Variants in CPAMD8 observed in about 807,000 individuals in gnomAD.
CPAMD8 encodes C3 and PZP like alpha-2-macroglobulin domain containing 8, also known as C3 and PZP-like alpha-2-macroglobulin domain-containing protein 8.
A neutral mutation model predicts 224.7 loss-of-function variants in CPAMD8; 146 were observed. That is an observed-to-expected ratio of 0.65 (90% CI 0.57 to 0.75). The LOEUF is 0.75. CPAMD8 is among the 30% of genes least tolerant of loss of function. The pLI is 0.00. For missense variants in CPAMD8, 2,301 were observed against 2,537.5 expected (o/e 0.91, Z 2.00); for synonymous variants, 966 against 1,044.6 (o/e 0.92, Z 1.45).
In CPAMD8 at chr19:16,929,180, C is replaced by T. The variant is rs530515090; in HGVS notation, c.2906G>A (p.Arg969His). 59 of 1,613,952 alleles carry T rather than the reference C, an allele frequency of 3.7e-5. No homozygotes were observed. Among genetic ancestry groups the T allele is most frequent in the South Asian group, 1.5e-4 (14 of 91,068 alleles). ...YEFQYVQRPL[R>H]LTRFDVAVRA... ...CACAGCCACATCAAAGCGGGTGAGGCGCAGTGGCCGCTGCACATACTGGAA... is the reference window on the plus strand; with the variant it reads ...CACAGCCACATCAAAGCGGGTGAGGTGCAGTGGCCGCTGCACATACTGGAA... The change falls in exon 24 of 42, where the codon CGC (arginine) becomes CAC (histidine). Residue 969 changes from arginine (R) to histidine (H), a missense_variant. By Grantham distance (29) the Arg-to-His change is conservative. Around this residue, in one of 4 missense-constraint regions of CPAMD8, gnomAD observed 1,709 missense variants for 1,753.2 expected, o/e 0.97. Coordinates refer to ENST00000443236, the MANE Select transcript of CPAMD8 (RefSeq NM_015692.5).
At chr19:16,963,769 C>T (rs562608352) in intron 18 of CPAMD8, among the ~76,000 whole-genome samples, 66 of 152,308 alleles carry the variant, frequency 4.3e-4, no homozygotes, top group African/African-American at 1.4e-3. Flanking sequence ...CACACTTATT[C>T]TGAAATTGAC....
chr19:16,904,527 T>A lies in CPAMD8; in HGVS notation c.4053A>T (p.Ser1351=). 7 of 1,613,982 alleles carry A rather than the reference T, an allele frequency of 4.3e-6. No individual in the cohort carries two copies. The highest frequency in any genetic ancestry group is 5.9e-6 in the Non-Finnish European group (7 of 1,179,850). The part of the protein sequence containing the change: ...MRDGVTHWSL[S]NSWDVDKGTF... The stretch of plus-strand genomic sequence containing the variant: ...TGCCCTTGTCCACGTCCCAGGAATT[T>A]GACAGGCTCCAGTGGGTGACCCCAT... Residue 1351 remains serine (S), a synonymous_variant, in exon 31 of 42, where the codon TCA becomes TCT. Coordinates refer to ENST00000443236, the MANE Select transcript of CPAMD8 (RefSeq NM_015692.5).
intron 10 of CPAMD8, among the ~76,000 whole-genome samples, chr19:16,999,318 C>T (rs11670464): frequency 0.24 from 36,856 of 151,942 alleles, 5,017 homozygotes; most frequent in African/African-American, 0.37. Context: ...CAGTGGCTCA[C>T]GCCTGTAATC....
Position 16,914,749 on chromosome 19 carries a change from C to T in CPAMD8, c.3694G>A (p.Glu1232Lys), listed in dbSNP as rs1176488493. The T allele has an allele frequency of 2.5e-6, 4 of 1,614,072 alleles. No individual in the cohort carries two copies. Among genetic ancestry groups the T allele is most frequent in the Non-Finnish European group, 3.4e-6 (4 of 1,180,002 alleles). The stretch of plus-strand genomic sequence containing the variant: ...ATCCAGCTCTTGGCGGCAGCCAGCT[C>T]CCGGGGGTCCACGAAGATAAAGCTG... ...ARSFIFVDPR[E>K]LAAAKSWIIQ... Residue 1232 changes from glutamate (E) to lysine (K), a missense_variant, in exon 28 of 42, where the codon GAG becomes AAG. Glu to Lys is a moderately conservative substitution (Grantham distance 56). Transcript: ENST00000443236.
chr19:16,965,505 G>A (rs189008480), intron 18 of CPAMD8, among the ~76,000 whole-genome samples: 1 of 152,216 alleles, frequency 6.6e-6, no homozygotes, highest in Non-Finnish European at 1.5e-5. Flanking sequence ...AATCAGGTAA[G>A]AGAAGGAAAT....
intron 18 of CPAMD8, among the ~76,000 whole-genome samples, chr19:16,964,497 G>A (rs1488839197): frequency 6.6e-6 from 1 of 152,022 alleles, no homozygotes; most frequent in Non-Finnish European, 1.5e-5. Context: ...CAGGAAGAAC[G>A]TGAATCTCTG....
intron 13 of CPAMD8, among the ~76,000 whole-genome samples, chr19:16,986,135 A>G (rs372675360): frequency 2.0e-5 from 3 of 152,068 alleles, no homozygotes; most frequent in South Asian, 4.1e-4. Context: ...GTTCAGAAGG[A>G]TGGGTGCCAA....
At chr19:16,911,871 G>T (rs1375764504) in intron 29 of CPAMD8, among the ~76,000 whole-genome samples, 1 of 152,106 alleles carries the variant, frequency 6.6e-6, no homozygotes, top group Non-Finnish European at 1.5e-5. Context: ...TAGAGACAGG[G>T]TTTCATCATG....
intron 20 of CPAMD8, among the ~76,000 whole-genome samples, chr19:16,951,703 A>G (rs1464049843): frequency 1.3e-5 from 2 of 151,522 alleles, no homozygotes; most frequent in Non-Finnish European, 2.9e-5. Context: ...ATGCGTCCCC[A>G]CCTCCTCCTC....
rs776490520 is a variant in CPAMD8 at position 16,896,691 on chromosome 19, A to AC, written c.5066-27dup. ...CTGGGGGACGAGGCAGGCTCGACAG[A>AC]CCCCCCACCCTGAACCTTGCCCGCG... On this transcript the variant is annotated intron_variant, in intron 39 of 41. Transcript: ENST00000443236. The AC allele has an allele frequency of 1.2e-4, 159 of 1,373,682 alleles. 1 individual carries two copies. The East Asian group carries it at 3.0e-3, about 26-fold the overall frequency. The allele number at this position is 1,373,682 out of a possible 1,614,324, so 85.1% of individuals were successfully genotyped here. A position where few individuals can be genotyped will look rare whatever the true frequency, so the allele number is the denominator to read the frequency against.
intron 39 of CPAMD8, 114 bp from the exon 40 acceptor site, chr19:16,896,779 G>A (rs917730347): frequency 3.5e-5 from 24 of 677,502 alleles, no homozygotes; most frequent in Non-Finnish European, 5.0e-5. Flanking sequence ...CCCCCTCGGT[G>A]GGTCTTGGGG....
At chr19:16,906,371 TTTC>T (rs1440666235) in intron 30 of CPAMD8, among the ~76,000 whole-genome samples, 1 of 65,622 alleles carries the variant, frequency 1.5e-5, no homozygotes, top group Admixed American at 1.9e-4. Flanking sequence ...TCTTTCTTTC[TTTC>T]TTTCTTTCTT....
intron 29 of CPAMD8, chr19:16,907,618 A>T (rs1212713832): frequency 6.6e-6 from 1 of 151,340 alleles, no homozygotes; most frequent in Non-Finnish European, 1.5e-5. Context: ...AAAAAAAAAA[A>T]AAAAATACAG....
At chr19:16,957,271 G>A (rs1336891929) in intron 19 of CPAMD8, among the ~76,000 whole-genome samples, 1 of 152,194 alleles carries the variant, frequency 6.6e-6, no homozygotes, top group Non-Finnish European at 1.5e-5. Context: ...TGCTGGCCCG[G>A]GCTGGACCAA....
At position 17,002,361 on chromosome 19, in the gene CPAMD8, C is replaced by G; in HGVS notation, c.674-11G>C. The stretch of plus-strand genomic sequence containing the variant: ...CAAACTTGGGCAACACTGAAGAAAG[C>G]AAGCAGAGAGGAGGGGCTGGCTTCT... On this transcript the variant is annotated splice_polypyrimidine_tract_variant and intron_variant, in intron 8 of 41. Coordinates refer to ENST00000443236, the MANE Select transcript of CPAMD8 (RefSeq NM_015692.5). The G allele has an allele frequency of 6.3e-7, 1 of 1,594,654 alleles. No individual in the cohort carries two copies. The highest frequency in any genetic ancestry group is 8.6e-7 in the Non-Finnish European group (1 of 1,166,614).
chr19:16,953,250 A>G (rs2054353544), intron 19 of CPAMD8, among the ~76,000 whole-genome samples: 1 of 152,054 alleles, frequency 6.6e-6, no homozygotes, highest in South Asian at 2.1e-4. Flanking sequence ...AAAAACTAAA[A>G]CTATAAAACT....
At position 17,026,589 on chromosome 19, in the gene CPAMD8, C is replaced by G. The variant is rs1295243964; in HGVS notation, c.54G>C (p.Ser18=). The stretch of plus-strand genomic sequence containing the variant: ...GCGCGGCGCGCACGCCGTCCCGCGC[C>G]GACAGCAGCAGGAGCAGGAGCGGGA... ...PLLPLLLLLL[S]ARDGVRAAQP... is the part of the protein sequence containing the mutation. The change falls in exon 1 of 42, where the codon TCG becomes TCC. Residue 18 remains serine (S), a synonymous_variant. Coordinates refer to ENST00000443236, the MANE Select transcript of CPAMD8 (RefSeq NM_015692.5). 2 of 1,527,176 alleles carry G rather than the reference C, an allele frequency of 1.3e-6. No homozygotes were observed. Among genetic ancestry groups the G allele is most frequent in the African/African-American group, 1.4e-5 (1 of 70,444 alleles). 94.6% of individuals were successfully genotyped at this position (1,527,176 alleles called of 1,614,324 possible).
chr19:16,999,362 C>T (rs971511193), intron 10 of CPAMD8, among the ~76,000 whole-genome samples: 7 of 151,814 alleles, frequency 4.6e-5, no homozygotes, highest in African/African-American at 9.7e-5. Flanking sequence ...AGGTGGATCA[C>T]GACGTCAGGA....
At chr19:16,993,119 G>A (rs925934682) in intron 12 of CPAMD8, among the ~76,000 whole-genome samples, 1 of 152,178 alleles carries the variant, frequency 6.6e-6, no homozygotes. Context: ...CACCCAGGCT[G>A]TTCCACCCGC....
Sources: allele counts gnomAD v4.1 joint callset (sites outside exome capture counted in the v4.1 genomes callset), GRCh38; gene constraint gnomAD v4.1.1; regional missense constraint gnomAD v4.1.1; transcripts MANE v1.5; gene names NCBI Gene and HGNC (gene_info 2026-07-23, HGNC 2026-07-21).